Variants in PPP1R2 observed in about 807,000 individuals in gnomAD.
PPP1R2 encodes the protein protein phosphatase 1 regulatory inhibitor subunit 2.
In PPP1R2, 16 loss-of-function variants were observed where a neutral mutation model predicts 29.9. That is an observed-to-expected ratio of 0.53 (90% CI 0.36 to 0.81). The LOEUF (loss-of-function observed/expected upper bound fraction) is 0.81. PPP1R2 is among the 30% of genes least tolerant of loss of function. PPP1R2 has a pLI of 0.00. For missense variants in PPP1R2, 197 were observed against 252.7 expected (o/e 0.78, Z 1.49); for synonymous variants, 76 against 91.5 (o/e 0.83, Z 0.96).
At chr3:195,528,579 A>C (rs2108945935) in intron 2 of PPP1R2, 1 of 152,252 alleles carries the variant, frequency 6.6e-6, no homozygotes, top group South Asian at 2.1e-4. Context: ...GAACAAATGG[A>C]AACAGCAGTT....
At chr3:195,524,399 G>A (rs1237688341) in intron 3 of PPP1R2, among the ~76,000 whole-genome samples, 1 of 152,160 alleles carries the variant, frequency 6.6e-6, no homozygotes, top group Non-Finnish European at 1.5e-5. Flanking sequence ...GCATGGGCCT[G>A]TAATCCCAGC....
chr3:195,526,845 G>A (rs147371384), intron 2 of PPP1R2, among the ~76,000 whole-genome samples: 7 of 152,214 alleles, frequency 4.6e-5, no homozygotes, highest in African/African-American at 1.7e-4. Context: ...GCAATGGCGC[G>A]ATCTCAGCTC....
At chr3:195,542,834 C>G in intron 1 of PPP1R2, 70 bp downstream of exon 1, 1 of 1,489,960 alleles carries the variant, frequency 6.7e-7, no homozygotes, top group South Asian at 1.3e-5. Flanking sequence ...CCCGCCCGCC[C>G]CTGGGGTCTG....
At position 195,542,933 on chromosome 3, in the gene PPP1R2, C is replaced by G. The variant is rs1236099305; in HGVS notation, c.93G>C (p.Gln31His). The change falls in exon 1 of 6, where the codon CAG (glutamine) becomes CAC (histidine). Residue 31 changes from glutamine (Q) to histidine (H), a missense_variant. Transcript: ENST00000618156. ...TTSSMVASAEQPRGNVDEELS... is the reference protein window; with the variant it reads ...TTSSMVASAEHPRGNVDEELS... ...GCTCCTCGTCGACATTCCCGCGGGG[C>G]TGTTCGGCCGACGCCACCATAGAGG... 2 of 1,603,056 alleles carry G rather than the reference C, an allele frequency of 1.2e-6. No homozygotes were observed. Among genetic ancestry groups the G allele is most frequent in the African/African-American group, 2.7e-5 (2 of 74,746 alleles).
At chr3:195,523,586 CT>C in intron 4 of PPP1R2, 105 bp downstream of exon 4, 1 of 832,502 alleles carries the variant, frequency 1.2e-6, no homozygotes, top group Non-Finnish European at 2.0e-6. Context: ...TTCTCCTCCC[CT>C]GTGTGTCCCC....
At chr3:195,521,526 G>A (rs1024236130) in intron 4 of PPP1R2, among the ~76,000 whole-genome samples, 7 of 151,646 alleles carry the variant, frequency 4.6e-5, no homozygotes, top group Non-Finnish European at 1.0e-4. Flanking sequence ...TTTTTATTTT[G>A]TGAAGGTATA....
intron 2 of PPP1R2, chr3:195,528,702 A>AAATT (rs1719069862): frequency 1.7e-5 from 1 of 59,968 alleles, no homozygotes; most frequent in Non-Finnish European, 2.8e-5. Context: ...GGGCATAACT[A>AAATT]TTTTTTTTTT....
At chr3:195,520,603 C>T (rs1187026264) in intron 4 of PPP1R2, among the ~76,000 whole-genome samples, 1 of 152,130 alleles carries the variant, frequency 6.6e-6, no homozygotes, top group African/African-American at 2.4e-5. Context: ...ACAAGTGAGA[C>T]CGTAGCTCAA....
intron 4 of PPP1R2, 120 bp from the exon 5 acceptor site, chr3:195,519,305 G>T: frequency 1.3e-6 from 1 of 769,558 alleles, no homozygotes; most frequent in Middle Eastern, 3.9e-4. Flanking sequence ...GCTTAAGGCT[G>T]CTTTTGTGTT....
chr3:195,524,990 A>C (rs1718911195), intron 2 of PPP1R2, 94 bp from the exon 3 acceptor site: 2 of 965,944 alleles, frequency 2.1e-6, no homozygotes, highest in Admixed American at 1.9e-5. Context: ...CCTACTTAAC[A>C]TATCAATATA....
chr3:195,539,135 T>C (rs969284884), intron 1 of PPP1R2, among the ~76,000 whole-genome samples: 1 of 152,216 alleles, frequency 6.6e-6, no homozygotes, highest in Non-Finnish European at 1.5e-5. Context: ...GGATAGTACA[T>C]CTTAGAATCA....
intron 2 of PPP1R2, among the ~76,000 whole-genome samples, chr3:195,525,845 T>C (rs924379647): frequency 6.6e-6 from 1 of 152,170 alleles, no homozygotes; most frequent in Non-Finnish European, 1.5e-5. Flanking sequence ...AGTAAGTCTA[T>C]AGTTTAGATG....
chr3:195,538,803 G>A (rs1719486536), intron 1 of PPP1R2, among the ~76,000 whole-genome samples: 1 of 151,916 alleles, frequency 6.6e-6, no homozygotes, highest in South Asian at 2.1e-4. Flanking sequence ...AACATTTGAG[G>A]GTAAGGCACT....
At chr3:195,535,203 G>A (rs945923543) in intron 1 of PPP1R2, among the ~76,000 whole-genome samples, 3 of 152,094 alleles carry the variant, frequency 2.0e-5, no homozygotes, top group Non-Finnish European at 4.4e-5. Flanking sequence ...TAGAGCCCGC[G>A]CATGCACAGT....
At chr3:195,535,620 T>C (rs1282755112) in intron 1 of PPP1R2, among the ~76,000 whole-genome samples, 4 of 152,130 alleles carry the variant, frequency 2.6e-5, no homozygotes, top group Admixed American at 6.5e-5. Flanking sequence ...CAGAAGATGA[T>C]TTGATAGAGA....
At chr3:195,523,532 C>T (rs1718846670) in intron 4 of PPP1R2, among the ~76,000 whole-genome samples, 160 bp downstream of exon 4, 1 of 152,190 alleles carries the variant, frequency 6.6e-6, no homozygotes, top group Non-Finnish European at 1.5e-5. Flanking sequence ...TATTACACAA[C>T]AAAACACACA....
chr3:195,535,947 C>T (rs1166421737), intron 1 of PPP1R2, among the ~76,000 whole-genome samples: 2 of 152,094 alleles, frequency 1.3e-5, no homozygotes, highest in East Asian at 3.9e-4. Context: ...ACAGTGAGAC[C>T]AACCCCTCCT....
intron 1 of PPP1R2, among the ~76,000 whole-genome samples, chr3:195,537,825 A>G (rs1388896968): frequency 1.3e-5 from 2 of 152,196 alleles, no homozygotes; most frequent in East Asian, 1.9e-4. Context: ...AAAAAAAGAC[A>G]ACAATAGCTT....
intron 2 of PPP1R2, among the ~76,000 whole-genome samples, chr3:195,526,200 A>T (rs545406113): frequency 6.6e-6 from 1 of 151,478 alleles, no homozygotes; most frequent in South Asian, 2.1e-4. Context: ...GGCTCAAGTG[A>T]TACTCCCACC....
Sources: allele counts gnomAD v4.1 joint callset (sites outside exome capture counted in the v4.1 genomes callset), GRCh38; gene constraint gnomAD v4.1.1; transcripts MANE v1.5; gene names NCBI Gene and HGNC (gene_info 2026-07-23, HGNC 2026-07-21).